The following ETF1 variants were observed in gnomAD, a reference collection of about 807,000 sequenced individuals.
ETF1 encodes the protein eukaryotic translation termination factor 1.
A neutral mutation model predicts 55.1 loss-of-function variants in ETF1; 4 were observed. The ratio of observed to expected loss-of-function variants is 0.07; its 90% confidence interval spans 0.04 to 0.17. The LOEUF (loss-of-function observed/expected upper bound fraction) is 0.17. Ranked by LOEUF, ETF1 falls within the 10% of genes least tolerant of loss-of-function variation. The probability of loss-of-function intolerance (pLI) is 1.00; values close to 1 mark genes in which losing one functional copy is unlikely to be tolerated. For missense variants in ETF1, 142 were observed against 523.6 expected (o/e 0.27, Z 7.11); for synonymous variants, 157 against 182.3 (o/e 0.86, Z 1.12).
At position 138,543,096 on chromosome 5, in the gene ETF1, C is replaced by A; in HGVS notation, c.-19+1G>T. ...CCGGCCTTTCCCTCCCTGTGCCTTACCTAAGGGCCCAGTCCTGGGCGGCAG... is the reference window on the plus strand; with the variant it reads ...CCGGCCTTTCCCTCCCTGTGCCTTAACTAAGGGCCCAGTCCTGGGCGGCAG... On this transcript the variant is annotated splice_donor_variant, in intron 1 of 10. Transcript: ENST00000360541. LOFTEE classifies it low-confidence loss of function (5UTR_SPLICE). 1.5e-6 allele frequency: 1 copy of A among 655,748 alleles called. No homozygotes were observed. The allele number at this position is 655,748 out of a possible 1,614,324, so 40.6% of individuals were successfully genotyped here.
At chr5:138,537,124 G>A (rs1188484341) in intron 2 of ETF1, among the ~76,000 whole-genome samples, 1 of 152,184 alleles carries the variant, frequency 6.6e-6, no homozygotes, top group African/African-American at 2.4e-5. Context: ...CTAGTTCTGA[G>A]TTGAAGCAGG....
At chr5:138,530,873 G>A (rs975948329) in intron 2 of ETF1, among the ~76,000 whole-genome samples, 2 of 152,272 alleles carry the variant, frequency 1.3e-5, no homozygotes, top group South Asian at 2.1e-4. Flanking sequence ...CCTCAAATAC[G>A]CAAGATTCTA....
At chr5:138,540,365 C>G (rs1289064138) in intron 2 of ETF1, among the ~76,000 whole-genome samples, 1 of 152,158 alleles carries the variant, frequency 6.6e-6, no homozygotes, top group Non-Finnish European at 1.5e-5. Context: ...TCAGCAAATA[C>G]AGATTCATTT....
chr5:138,513,659 T>C lies in ETF1; in HGVS notation c.450A>G (p.Val150=). 6.2e-7 allele frequency: 1 copy of C among 1,608,010 alleles called. No homozygotes were observed. The highest frequency in any genetic ancestry group is 8.5e-7 in the Non-Finnish European group (1 of 1,174,776). ...LSDDSKFGFI[V]IDGSGALFGT... is the part of the protein sequence containing the mutation. ...CAAAAAGTGCACCACTACCATCTAT[T>C]ACAATGAATCCAAACTTGCTATCAT... Residue 150 remains valine, a synonymous_variant, in exon 5 of 11, where the codon GTA becomes GTG. Coordinates refer to ENST00000360541, the MANE Select transcript of ETF1 (RefSeq NM_004730.4).
intron 9 of ETF1, 35 bp from the exon 10 acceptor site, chr5:138,508,851 A>G: frequency 6.2e-7 from 1 of 1,604,314 alleles, no homozygotes; most frequent in Non-Finnish European, 8.5e-7. Context: ...AAAATGGGGG[A>G]TTAGGATATA....
At chr5:138,542,998 C>T in intron 1 of ETF1, 62 bp from the exon 2 acceptor site, 3 of 1,483,722 alleles carry the variant, frequency 2.0e-6, no homozygotes, top group South Asian at 1.2e-5. Context: ...GCCGCTGGGG[C>T]AGAGCGGCCC....
chr5:138,516,560 G>A (rs1012713861), intron 4 of ETF1, among the ~76,000 whole-genome samples: 1 of 152,202 alleles, frequency 6.6e-6, no homozygotes, highest in African/African-American at 2.4e-5. Flanking sequence ...AGAATCGCTT[G>A]AACCATGGAG....
intron 2 of ETF1, among the ~76,000 whole-genome samples, chr5:138,523,127 G>A (rs1408981743): frequency 2.6e-5 from 4 of 152,192 alleles, no homozygotes; most frequent in African/African-American, 7.2e-5. Context: ...CCAGCATTTC[G>A]GGGGGCCAAG....
intron 4 of ETF1, among the ~76,000 whole-genome samples, chr5:138,516,614 C>T (rs540046746): frequency 3.9e-5 from 6 of 152,222 alleles, no homozygotes; most frequent in Admixed American, 6.5e-5. Flanking sequence ...GCACTCTAGC[C>T]TGGGCGACAG....
intron 4 of ETF1, among the ~76,000 whole-genome samples, chr5:138,515,445 G>A (rs973472699): frequency 2.6e-5 from 4 of 151,918 alleles, no homozygotes; most frequent in African/African-American, 7.2e-5. Flanking sequence ...AAAAGAAAAA[G>A]AAAAAAGACA....
At chr5:138,542,610 A>C in intron 2 of ETF1, 2 of 1,417,818 alleles carry the variant, frequency 1.4e-6, no homozygotes, top group Non-Finnish European at 1.8e-6. Context: ...GAGTGATCTA[A>C]ACCGGGGAGC....
chr5:138,525,724 T>C (rs1252785420), intron 2 of ETF1, among the ~76,000 whole-genome samples: 1 of 151,622 alleles, frequency 6.6e-6, no homozygotes, highest in Non-Finnish European at 1.5e-5. Context: ...GGCGGGTGGA[T>C]CACCTGAGGT....
At chr5:138,517,396 AAAAAATAAAAAT>A (rs1339283441) in intron 4 of ETF1, among the ~76,000 whole-genome samples, 153 bp downstream of exon 4, 1 of 151,904 alleles carries the variant, frequency 6.6e-6, no homozygotes, top group African/African-American at 2.4e-5. Context: ...AATAAAAATA[AAAAAATAAAAAT>A]AAAAGAAGTA....
intron 2 of ETF1, among the ~76,000 whole-genome samples, chr5:138,532,339 T>C (rs898715209): frequency 6.6e-6 from 1 of 152,202 alleles, no homozygotes; most frequent in East Asian, 1.9e-4. Context: ...TCCAGCTCTA[T>C]CACTTAATGG....
chr5:138,542,449 T>C (rs1561850116), intron 2 of ETF1, among the ~76,000 whole-genome samples: 1 of 151,954 alleles, frequency 6.6e-6, no homozygotes, highest in East Asian at 1.9e-4. Context: ...GAAGAGGAAA[T>C]CAGGGAAGGG....
At chr5:138,517,199 T>A (rs1217800416) in intron 4 of ETF1, among the ~76,000 whole-genome samples, 3 of 151,814 alleles carry the variant, frequency 2.0e-5, no homozygotes, top group Non-Finnish European at 4.4e-5. Context: ...TTAAACACCA[T>A]CTCTACTAAA....
intron 2 of ETF1, among the ~76,000 whole-genome samples, chr5:138,531,422 C>T (rs977829298): frequency 3.3e-5 from 5 of 152,254 alleles, no homozygotes; most frequent in Middle Eastern, 3.4e-3. Flanking sequence ...ACCCCCAAAA[C>T]CTAAGACAAC....
At chr5:138,530,033 C>T (rs910485128) in intron 2 of ETF1, among the ~76,000 whole-genome samples, 2 of 152,158 alleles carry the variant, frequency 1.3e-5, no homozygotes, top group East Asian at 3.8e-4. Context: ...CGCAAGCGAC[C>T]GTGCCCGCCT....
Position 138,513,001 on chromosome 5 carries a change from C to A in ETF1, c.542-47G>T, listed in dbSNP as rs200538011. ...AGAAAAAGGCAATTATTAAGAACTACAAGATGTCTTCAAATTAAAAATAAA... is the reference window on the plus strand; with the variant it reads ...AGAAAAAGGCAATTATTAAGAACTAAAAGATGTCTTCAAATTAAAAATAAA... On this transcript the variant is annotated intron_variant, in intron 5 of 10. Coordinates refer to ENST00000360541, the MANE Select transcript of ETF1 (RefSeq NM_004730.4). 159 of 1,471,926 alleles carry A rather than the reference C, an allele frequency of 1.1e-4. No homozygotes were observed. In the African/African-American group the frequency reaches 1.9e-3, roughly 17 times the overall value. 91.2% of individuals were successfully genotyped at this position (1,471,926 alleles called of 1,614,324 possible).
Sources: allele counts gnomAD v4.1 joint callset (sites outside exome capture counted in the v4.1 genomes callset), GRCh38; gene constraint gnomAD v4.1.1; transcripts MANE v1.5; gene names NCBI Gene and HGNC (gene_info 2026-07-23, HGNC 2026-07-21).